The following GLS2 variants were observed in gnomAD, a reference collection of about 807,000 sequenced individuals.
The protein encoded by GLS2 is glutaminase 2, also known as glutaminase liver isoform, mitochondrial.
In GLS2, 52 loss-of-function variants were observed where a neutral mutation model predicts 79.0. The ratio of observed to expected loss-of-function variants is 0.66; its 90% CI spans 0.53 to 0.83. The LOEUF (loss-of-function observed/expected upper bound fraction) is 0.83, where lower values mean the gene tolerates loss of function less well. GLS2 is among the 40% of genes least tolerant of loss of function. The probability of loss-of-function intolerance (pLI) is 0.00; values close to 1 mark genes in which losing one functional copy is unlikely to be tolerated. For missense variants in GLS2, 561 were observed against 764.8 expected (o/e 0.73, Z 3.14); for synonymous variants, 238 against 280.8 (o/e 0.85, Z 1.52).
chr12:56,483,919 A>G (rs1870493103), intron 1 of GLS2, among the ~76,000 whole-genome samples: 1 of 151,950 alleles, frequency 6.6e-6, no homozygotes. Context: ...AAAGGGAAAA[A>G]TATATATGTG....
intron 3 of GLS2, chr12:56,479,476 GTATATT>G (rs1384465185): frequency 5.2e-6 from 2 of 381,958 alleles, no homozygotes; most frequent in African/African-American, 2.1e-5. Context: ...AATCATAAAA[GTATATT>G]TATATATATT....
Position 56,477,934 on chromosome 12 carries a change from T to C in GLS2, c.777A>G (p.Glu259=). Residue 259 remains glutamate (E), a splice_region_variant and synonymous_variant, in exon 6 of 18, where the codon GAA becomes GAG. Coordinates refer to ENST00000311966, the MANE Select transcript of GLS2 (RefSeq NM_013267.4). ...LRYNKLSLNE[E]GIPHNPMVNA... ...GGTCTGAGCCTTGGTAGTGCTCACC[T>C]TCCTCATTGAGGGAGAGCTTGTTGT... 6.2e-7 allele frequency: 1 copy of C among 1,612,450 alleles called. No individual in the cohort carries two copies. Among genetic ancestry groups the C allele is most frequent in the African/African-American group, 1.3e-5 (1 of 75,054 alleles).
rs1157896444 is a variant in GLS2 at position 56,488,140 on chromosome 12, T to C, written c.-22A>G. 3 of 1,517,124 alleles carry C rather than the reference T, an allele frequency of 2.0e-6. No homozygotes were observed. In the South Asian group the frequency reaches 3.7e-5, roughly 18 times the overall value. 94.0% of individuals were successfully genotyped at this position (1,517,124 alleles called of 1,614,324 possible). ...GCATGCCCCAGCAAGCCTCCGGCTC[T>C]GCAGGTGCGCCCGGGACCTCTAGCT... On this transcript the variant is annotated 5_prime_UTR_variant, in exon 1 of 18. Coordinates refer to ENST00000311966, the MANE Select transcript of GLS2 (RefSeq NM_013267.4).
intron 1 of GLS2, among the ~76,000 whole-genome samples, chr12:56,485,760 G>A (rs1870630346): frequency 6.6e-6 from 1 of 151,892 alleles, no homozygotes; most frequent in South Asian, 2.1e-4. Flanking sequence ...TCATAAATAT[G>A]GCCCGGCACG....
chr12:56,474,060 G>A lies in GLS2; in HGVS notation c.1225-466C>T, dbSNP rs576985913. 17 of 184,404 alleles carry A rather than the reference G, an allele frequency of 9.2e-5. 1 individual carries two copies. In the South Asian group the frequency reaches 1.8e-3, roughly 19 times the overall value. The allele number at this position is 184,404 out of a possible 1,614,324, so 11.4% of individuals were successfully genotyped here. A position where few individuals can be genotyped will look rare whatever the true frequency, so the allele number is the denominator to read the frequency against. ...GCCAGCAATGTGAAGCACAATTCAG[G>A]AGCTGCAACACCTCTGGTTGTTTTT... On this transcript the variant is annotated intron_variant, in intron 12 of 17. Coordinates refer to ENST00000311966, the MANE Select transcript of GLS2 (RefSeq NM_013267.4).
At chr12:56,473,434 TAGTA>T (rs775398601) in intron 13 of GLS2, 25 bp downstream of exon 13, 1 of 1,604,076 alleles carries the variant, frequency 6.2e-7, no homozygotes, top group Non-Finnish European at 8.5e-7. Flanking sequence ...GCTTCAAAAA[TAGTA>T]AGTACTATAT....
At chr12:56,478,984 A>AG in intron 4 of GLS2, 68 bp downstream of exon 4, 4 of 1,319,776 alleles carry the variant, frequency 3.0e-6, no homozygotes, top group Non-Finnish European at 4.1e-6. Context: ...ACTCTGTCTC[A>AG]GGAAAAAAAA....
chr12:56,481,362 C>T (rs1322611478), intron 1 of GLS2, among the ~76,000 whole-genome samples: 2 of 151,580 alleles, frequency 1.3e-5, no homozygotes, highest in Non-Finnish European at 1.5e-5. Context: ...TGCACCACCA[C>T]GCCTGGCTAA....
intron 1 of GLS2, among the ~76,000 whole-genome samples, chr12:56,484,623 A>G (rs764018675): frequency 7.9e-5 from 12 of 152,194 alleles, no homozygotes; most frequent in Non-Finnish European, 1.6e-4. Context: ...GAAAGTACAT[A>G]GGAACACTCT....
chr12:56,482,485 G>A (rs1362453049), intron 1 of GLS2, among the ~76,000 whole-genome samples: 1 of 152,154 alleles, frequency 6.6e-6, no homozygotes, highest in Non-Finnish European at 1.5e-5. Flanking sequence ...TCCAGATATT[G>A]CTTATGCTGC....
intron 1 of GLS2, among the ~76,000 whole-genome samples, chr12:56,481,991 G>A (rs914788118): frequency 2.6e-5 from 4 of 152,076 alleles, no homozygotes; most frequent in African/African-American, 9.7e-5. Flanking sequence ...AGCACTTTGG[G>A]AGGCCAAGGC....
At chr12:56,480,991 C>T (rs1404227898) in intron 1 of GLS2, among the ~76,000 whole-genome samples, 2 of 152,176 alleles carry the variant, frequency 1.3e-5, no homozygotes, top group East Asian at 1.9e-4. Context: ...GTCTACTTCA[C>T]CTGGGTGATG....
intron 3 of GLS2, 91 bp downstream of exon 3, chr12:56,479,689 C>T (rs1870128748): frequency 1.4e-6 from 2 of 1,386,116 alleles, no homozygotes; most frequent in Non-Finnish European, 1.9e-6. Flanking sequence ...AGGAATTGAA[C>T]TATACAATTC....
In GLS2 at chr12:56,479,088, G is replaced by A; in HGVS notation, c.498C>T (p.Arg166=). 1 of 1,613,694 alleles carries A rather than the reference G, an allele frequency of 6.2e-7. No homozygotes were observed. Among genetic ancestry groups the A allele is most frequent in the Non-Finnish European group, 8.5e-7 (1 of 1,179,974 alleles). ...TGAGCTCTTTGACATCCTCAAAGAT[G>A]CGATCCACATGGCCCGTGAACTCCT... ...DFEEFTGHVD[R]IFEDVKELTG... Residue 166 remains arginine, a synonymous_variant, in exon 4 of 18, where the codon CGC becomes CGT. Coordinates refer to ENST00000311966, the MANE Select transcript of GLS2 (RefSeq NM_013267.4).
At chr12:56,473,897 G>A (rs575778596) in intron 12 of GLS2, 19 of 276,668 alleles carry the variant, frequency 6.9e-5, no homozygotes, top group Admixed American at 3.8e-4. Context: ...AAATAGACAC[G>A]TAATGTTTAA....
chr12:56,472,398 A>G, intron 15 of GLS2: 1 of 611,980 alleles, frequency 1.6e-6, no homozygotes, highest in East Asian at 2.8e-5. Flanking sequence ...TGATCCTTCC[A>G]GAAATATCAC....
chr12:56,475,834 T>TA, intron 8 of GLS2, 111 bp downstream of exon 8: 1 of 1,407,852 alleles, frequency 7.1e-7, no homozygotes, highest in South Asian at 1.2e-5. Flanking sequence ...ATAAGGCTTC[T>TA]AGTATGGGCT....
At position 56,471,246 on chromosome 12, in the gene GLS2, T is replaced by C; in HGVS notation, c.*241A>G. On this transcript the variant is annotated 3_prime_UTR_variant, in exon 18 of 18. Transcript: ENST00000311966. Reference sequence around the variant, plus strand: ...GTGGGGCAAGCCATTAGGCTGTACCTTGAAGCCCAGTCTCTCTGGATAGCT... The same window carrying C: ...GTGGGGCAAGCCATTAGGCTGTACCCTGAAGCCCAGTCTCTCTGGATAGCT... The C allele has an allele frequency of 6.1e-6, 3 of 493,872 alleles. No individual in the cohort carries two copies. Among genetic ancestry groups the C allele is most frequent in the Non-Finnish European group, 1.1e-5 (3 of 282,734 alleles). 30.6% of individuals were successfully genotyped at this position (493,872 alleles called of 1,614,324 possible).
chr12:56,472,814 G>T, intron 14 of GLS2, 63 bp from the exon 15 acceptor site: 1 of 1,404,854 alleles, frequency 7.1e-7, no homozygotes, highest in South Asian at 1.2e-5. Context: ...TGTGCCCTGT[G>T]ACCCTCCTCC....
Sources: gnomAD v4.1 joint callset for allele counts (sites outside exome capture counted in the v4.1 genomes callset) on GRCh38, gnomAD v4.1.1 for gene constraint, MANE v1.5 for transcripts, NCBI Gene and HGNC (gene_info 2026-07-23, HGNC 2026-07-21) for gene names.